The following SLC35D4 variants were observed in gnomAD, a reference collection of about 807,000 sequenced individuals.
The protein encoded by SLC35D4 is solute carrier family 35 member D4.
the SLC35D4 span, among the ~76,000 whole-genome samples, chr18:23,362,466 G>A: frequency 6.6e-6 from 1 of 152,168 alleles, no homozygotes; most frequent in African/African-American, 2.4e-5. Flanking sequence ...AGGCATGGTG[G>A]CAGGTGCCTG....
the SLC35D4 span, among the ~76,000 whole-genome samples, chr18:23,409,137 A>G: frequency 6.6e-6 from 1 of 152,140 alleles, no homozygotes; most frequent in Non-Finnish European, 1.5e-5. Context: ...CTCCATCTCA[A>G]AAAGGAAAAA....
At chr18:23,246,683 A>T in the SLC35D4 span, among the ~76,000 whole-genome samples, 2 of 151,172 alleles carry the variant, frequency 1.3e-5, no homozygotes, top group African/African-American at 2.4e-5. Context: ...GAGCCACCGC[A>T]CCCGGCCAGT....
chr18:23,414,791 T>C, the SLC35D4 span, among the ~76,000 whole-genome samples: 1 of 151,262 alleles, frequency 6.6e-6, no homozygotes, highest in Non-Finnish European at 1.5e-5. Context: ...TCATGGACAA[T>C]ATAGCAAGAT....
At chr18:23,377,581 C>A in the SLC35D4 span, 1 of 1,459,370 alleles carries the variant, frequency 6.9e-7, no homozygotes, top group South Asian at 1.4e-5. Flanking sequence ...AACAGTTTAT[C>A]ATTCAAGTTA....
chr18:23,437,711 T>C, the SLC35D4 span: 2 of 1,515,260 alleles, frequency 1.3e-6, no homozygotes, highest in East Asian at 4.9e-5. Flanking sequence ...GAGGCTCCGT[T>C]TGTCACGGGA....
chr18:23,327,827 C>A, the SLC35D4 span, among the ~76,000 whole-genome samples: 12 of 152,300 alleles, frequency 7.9e-5, no homozygotes, highest in Non-Finnish European at 1.3e-4. Flanking sequence ...CAAACCGAAT[C>A]CAGCAGCACA....
At chr18:23,363,564 CG>C in the SLC35D4 span, among the ~76,000 whole-genome samples, 3,863 of 151,204 alleles carry the variant, frequency 0.026, 58 homozygotes, top group Middle Eastern at 0.055. Context: ...TTAGTAGAGA[CG>C]GGGTTTCACC....
chr18:23,264,526 CTAATTTT>C, the SLC35D4 span, among the ~76,000 whole-genome samples: 3 of 151,982 alleles, frequency 2.0e-5, no homozygotes, highest in Non-Finnish European at 2.9e-5. Flanking sequence ...CTACGCCCGG[CTAATTTT>C]TGTATTTTTA....
chr18:23,295,829 A>G, the SLC35D4 span, among the ~76,000 whole-genome samples: 132,899 of 152,214 alleles, frequency 0.87, 58,473 homozygotes, highest in East Asian at 1. Context: ...AATGACGTGG[A>G]TATTCAACAC....
chr18:23,264,650 C>T, the SLC35D4 span, among the ~76,000 whole-genome samples: 2 of 152,068 alleles, frequency 1.3e-5, no homozygotes, highest in African/African-American at 4.8e-5. Context: ...CATGAGCCAC[C>T]GTGCCCAGCC....
the SLC35D4 span, chr18:23,258,508 CCTGGCTTA>C: frequency 6.6e-6 from 1 of 152,138 alleles, no homozygotes; most frequent in Non-Finnish European, 1.5e-5. Flanking sequence ...GGTGACTTGT[CCTGGCTTA>C]CTGGGACAGT....
At chr18:23,355,172 C>A in the SLC35D4 span, among the ~76,000 whole-genome samples, 1 of 152,162 alleles carries the variant, frequency 6.6e-6, no homozygotes, top group Non-Finnish European at 1.5e-5. Flanking sequence ...AACAGAGTCA[C>A]ATCAATTCAA....
At chr18:23,246,294 C>T in the SLC35D4 span, among the ~76,000 whole-genome samples, 1 of 152,004 alleles carries the variant, frequency 6.6e-6, no homozygotes, top group Non-Finnish European at 1.5e-5. Context: ...AGTGGTCACT[C>T]AGACTGTCCC....
the SLC35D4 span, among the ~76,000 whole-genome samples, chr18:23,427,918 G>C: frequency 6.6e-6 from 1 of 152,042 alleles, no homozygotes; most frequent in Non-Finnish European, 1.5e-5. Context: ...CTATCGCAAG[G>C]ACAGAAAACC....
chr18:23,314,740 C>T, the SLC35D4 span, among the ~76,000 whole-genome samples: 1 of 152,198 alleles, frequency 6.6e-6, no homozygotes, highest in Non-Finnish European at 1.5e-5. Flanking sequence ...AGATTTTTCC[C>T]AAAGAAGAAA....
the SLC35D4 span, among the ~76,000 whole-genome samples, chr18:23,270,177 G>T: frequency 6.6e-6 from 1 of 152,198 alleles, no homozygotes; most frequent in African/African-American, 2.4e-5. Context: ...TTGGTGCCTT[G>T]TGTCCCAGAT....
the SLC35D4 span, among the ~76,000 whole-genome samples, chr18:23,244,018 CTCTCTT>C: frequency 6.6e-6 from 1 of 152,222 alleles, no homozygotes; most frequent in East Asian, 1.9e-4. Flanking sequence ...GCAACATCTG[CTCTCTT>C]TCTATGTATT....
At chr18:23,356,848 G>C in the SLC35D4 span, among the ~76,000 whole-genome samples, 4 of 152,178 alleles carry the variant, frequency 2.6e-5, no homozygotes, top group Non-Finnish European at 4.4e-5. This position sits in a 1 kb window ranked among gnomAD's most constrained non-coding sequence, Gnocchi z 4.1. Flanking sequence ...GGTAATAACA[G>C]TATGATAATA....
chr18:23,401,286 G>A, the SLC35D4 span, among the ~76,000 whole-genome samples: 4 of 152,160 alleles, frequency 2.6e-5, no homozygotes, highest in African/African-American at 4.8e-5. Flanking sequence ...GCTGTTAAAC[G>A]CCCATTCATA....
Sources: allele counts gnomAD v4.1 joint callset (sites outside exome capture counted in the v4.1 genomes callset), GRCh38; gene constraint gnomAD v4.1.1; non-coding constraint Gnocchi (gnomAD v3.1); transcripts MANE v1.5; gene names NCBI Gene and HGNC (gene_info 2026-07-23, HGNC 2026-07-21).